The following OVCH2 variants were observed in gnomAD, a reference collection of about 807,000 sequenced individuals.
OVCH2 encodes ovochymase-2.
Under a neutral mutation model 73.7 loss-of-function variants are expected in OVCH2, and 88 were observed. That is an observed-to-expected ratio of 1.19 (90% CI 1.01 to 1.43). The LOEUF is 1.43. Ranked by LOEUF, OVCH2 falls within the 40% of genes most tolerant of loss-of-function variation. The pLI is 0.00. For missense variants in OVCH2, 706 were observed against 674.5 expected (o/e 1.05, Z -0.52); for synonymous variants, 265 against 234.5 (o/e 1.13, Z -1.19).
chr11:7,700,527 C>A, intron 6 of OVCH2, 42 bp from the exon 7 acceptor site: 1 of 1,548,054 alleles, frequency 6.5e-7, no homozygotes, highest in South Asian at 1.2e-5. Flanking sequence ...CTGTCAGTGT[C>A]TATGCCCCAA....
rs140510760 is a variant in OVCH2, at chr11:7,689,932, T to C, written c.*23A>G. Reference sequence around the variant, plus strand: ...TCCCCAAAACAGCTTACCAGAAACATTGGTTTCTCCATTTGGCACATCTCA... The same window carrying C: ...TCCCCAAAACAGCTTACCAGAAACACTGGTTTCTCCATTTGGCACATCTCA... On this transcript the variant is annotated 3_prime_UTR_variant, in exon 15 of 16. Transcript: ENST00000533663. The C allele has an allele frequency of 2.0e-5, 30 of 1,496,972 alleles. No individual in the cohort carries two copies. The highest frequency in any genetic ancestry group is 8.3e-5 in the African/African-American group (6 of 72,068). 92.7% of individuals were successfully genotyped at this position (1,496,972 alleles called of 1,614,324 possible). A position where few individuals can be genotyped will look rare whatever the true frequency, so the allele number is the denominator to read the frequency against.
chr11:7,682,206 G>A, the OVCH2 span, among the ~76,000 whole-genome samples: 43 of 152,138 alleles, frequency 2.8e-4, no homozygotes, highest in Non-Finnish European at 4.9e-4. Context: ...AAAAAATCTC[G>A]GAAAGATTCT....
At chr11:7,700,180 G>T in intron 7 of OVCH2, 116 bp downstream of exon 7, 1 of 989,056 alleles carries the variant, frequency 1.0e-6, no homozygotes, top group Non-Finnish European at 1.5e-6. Context: ...GTGCTACACT[G>T]AGAACAGAGG....
downstream of OVCH2, among the ~76,000 whole-genome samples, chr11:7,686,474 A>T (rs955678375): frequency 6.6e-6 from 1 of 152,232 alleles, no homozygotes; most frequent in East Asian, 1.9e-4. Flanking sequence ...CCATTCTCTC[A>T]TGATGAACAA....
At chr11:7,678,887 C>T in the OVCH2 span, among the ~76,000 whole-genome samples, 1 of 152,166 alleles carries the variant, frequency 6.6e-6, no homozygotes, top group Admixed American at 6.5e-5. Flanking sequence ...ACCTCAGCAT[C>T]GTGCAGTAAT....
chr11:7,691,208 C>G, intron 14 of OVCH2, 61 bp downstream of exon 14: 1 of 1,542,772 alleles, frequency 6.5e-7, no homozygotes, highest in African/African-American at 1.4e-5. Context: ...CTAAAGACCT[C>G]TAATTCACAT....
downstream of OVCH2, among the ~76,000 whole-genome samples, chr11:7,687,308 A>AATAAT (rs1565164515): frequency 0.13 from 16,818 of 132,422 alleles, 1,167 homozygotes; most frequent in African/African-American, 0.19. Context: ...ATGGCTGTGG[A>AATAAT]AATAATAATA....
intron 10 of OVCH2, 45 bp from the exon 11 acceptor site, chr11:7,695,755 T>C (rs1856320721): frequency 6.4e-7 from 1 of 1,563,314 alleles, no homozygotes; most frequent in South Asian, 1.2e-5. Context: ...ATCTAGAAAA[T>C]AGTTCCCATT....
chr11:7,678,746 G>A, the OVCH2 span, among the ~76,000 whole-genome samples: 3 of 152,180 alleles, frequency 2.0e-5, no homozygotes, highest in South Asian at 4.1e-4. Flanking sequence ...GAGCACACAT[G>A]GACATAAAGA....
intron 2 of OVCH2, among the ~76,000 whole-genome samples, chr11:7,704,304 G>A (rs892341578): frequency 1.3e-5 from 2 of 152,028 alleles, no homozygotes; most frequent in Non-Finnish European, 2.9e-5. Context: ...GCTTCTTCAA[G>A]CCTATTCTTT....
chr11:7,701,807 G>T lies in OVCH2; in HGVS notation c.468C>A (p.His156Gln). 1 of 1,609,376 alleles carries T rather than the reference G, an allele frequency of 6.2e-7. No individual in the cohort carries two copies. The highest frequency in any genetic ancestry group is 8.5e-7 in the Non-Finnish European group (1 of 1,178,130). ...CTGGAAGACATATGGGCCCCACAAA[G>T]TGGCCTGAAGAAAAGAGCAAGGTAG... is the stretch of plus-strand genomic sequence containing the variant. ...LKMAGAFQFG[H>Q]FVGPICLPEL... The change falls in exon 5 of 16, where the codon CAC becomes CAA. Residue 156 changes from histidine (H) to glutamine (Q), a missense_variant. His to Gln is a conservative substitution (Grantham distance 24). Transcript: ENST00000533663.
chr11:7,696,880 C>A, intron 8 of OVCH2, 81 bp from the exon 9 acceptor site: 3 of 1,266,884 alleles, frequency 2.4e-6, no homozygotes, highest in Non-Finnish European at 3.3e-6. Flanking sequence ...CTGCAAACAC[C>A]ATAGCCTCCT....
At chr11:7,698,954 T>A in intron 7 of OVCH2, 181 bp from the exon 8 acceptor site, 1 of 579,022 alleles carries the variant, frequency 1.7e-6, no homozygotes, top group Non-Finnish European at 3.0e-6. Context: ...TCTGGTGTTT[T>A]AAAATGATTT....
intron 7 of OVCH2, chr11:7,699,027 G>C (rs572882363): frequency 2.3e-6 from 1 of 428,586 alleles, no homozygotes; most frequent in African/African-American, 2.1e-5. Context: ...ACAGAGGAAG[G>C]GGTCATTTTA....
intron 7 of OVCH2, chr11:7,699,970 T>A: frequency 4.3e-6 from 1 of 230,648 alleles, no homozygotes; most frequent in Non-Finnish European, 8.5e-6. Context: ...TGCCATCGTG[T>A]AATGGTGAGC....
chr11:7,681,732 GAGTA>G, the OVCH2 span, among the ~76,000 whole-genome samples: 1 of 151,882 alleles, frequency 6.6e-6, no homozygotes, highest in African/African-American at 2.4e-5. Context: ...AGACAACCAG[GAGTA>G]AGTGAGGCAG....
In OVCH2 at chr11:7,700,282, G is replaced by C; in HGVS notation, c.901+14C>G. On this transcript the variant is annotated intron_variant, in intron 7 of 15. Coordinates refer to ENST00000533663, the MANE Select transcript of OVCH2 (RefSeq NM_198185.7). ...GAATGGCAGCTTCTTAACCTTGTGT[G>C]ATGGCTTAGTTACCAGTTTGGATGT... 6.2e-7 allele frequency: 1 copy of C among 1,611,930 alleles called. No individual in the cohort carries two copies. Among genetic ancestry groups the C allele is most frequent in the South Asian group, 1.1e-5 (1 of 90,866 alleles).
chr11:7,705,010 C>G (rs12795967), intron 1 of OVCH2, among the ~76,000 whole-genome samples: 55,754 of 152,006 alleles, frequency 0.37, 10,820 homozygotes, highest in South Asian at 0.58. Flanking sequence ...GGTTTTCTGA[C>G]TCCTCAGCAA....
chr11:7,684,485 T>TAC (rs200237462), downstream of OVCH2, among the ~76,000 whole-genome samples: 5,533 of 131,042 alleles, frequency 0.042, 162 homozygotes, highest in African/African-American at 0.1. Flanking sequence ...TATATATATA[T>TAC]ATACACACAC....
Sources: gnomAD v4.1 joint callset for allele counts (sites outside exome capture counted in the v4.1 genomes callset) on GRCh38, gnomAD v4.1.1 for gene constraint, MANE v1.5 for transcripts, NCBI Gene and HGNC (gene_info 2026-07-23, HGNC 2026-07-21) for gene names.